The following CD96 variants were observed in gnomAD, a reference collection of about 807,000 sequenced individuals.
CD96 encodes the protein T-cell surface protein tactile.
In CD96, 70 loss-of-function variants were observed where a neutral mutation model predicts 71.3. The observed-to-expected ratio is 0.98, with a 90% CI of 0.81 to 1.20. The LOEUF (loss-of-function observed/expected upper bound fraction) is 1.20. Ranked by LOEUF, CD96 falls within the 50% of genes most tolerant of loss-of-function variation. The probability of loss-of-function intolerance (pLI) is 0.00; values close to 1 mark genes in which losing one functional copy is unlikely to be tolerated. For missense variants in CD96, 742 were observed against 677.5 expected (o/e 1.10, Z -1.06); for synonymous variants, 248 against 233.0 (o/e 1.06, Z -0.59).
At chr3:111,660,427 A>C (rs1940328234) in intron 14 of CD96, among the ~76,000 whole-genome samples, 1 of 152,258 alleles carries the variant, frequency 6.6e-6, no homozygotes, top group Non-Finnish European at 1.5e-5. Flanking sequence ...TATTTTTTAA[A>C]TGGCCATACT....
At chr3:111,643,863 C>T (rs1040949757) in intron 12 of CD96, among the ~76,000 whole-genome samples, 13 of 152,068 alleles carry the variant, frequency 8.5e-5, no homozygotes, top group African/African-American at 3.1e-4. Flanking sequence ...AAACACATCC[C>T]ATGCTCATGG....
intron 12 of CD96, among the ~76,000 whole-genome samples, chr3:111,638,780 C>T (rs1362241344): frequency 2.0e-5 from 3 of 152,184 alleles, no homozygotes; most frequent in Admixed American, 6.5e-5. Context: ...AAAGGTCATA[C>T]AGTCTTCTGA....
At chr3:111,627,387 G>C (rs1221610628) in intron 10 of CD96, among the ~76,000 whole-genome samples, 1 of 152,202 alleles carries the variant, frequency 6.6e-6, no homozygotes, top group Non-Finnish European at 1.5e-5. Context: ...TTTTGTTAAG[G>C]AATGACCAGA....
chr3:111,658,857 A>G (rs1367932593), intron 14 of CD96, among the ~76,000 whole-genome samples: 7 of 152,020 alleles, frequency 4.6e-5, no homozygotes, highest in African/African-American at 1.4e-4. Context: ...CTCTTTTTTC[A>G]TTGTGTCTCT....
chr3:111,621,262 A>G (rs1938507144), intron 8 of CD96, among the ~76,000 whole-genome samples: 1 of 152,230 alleles, frequency 6.6e-6, no homozygotes, highest in Non-Finnish European at 1.5e-5. Context: ...GACAATTGTT[A>G]TCATAGCACC....
chr3:111,563,727 T>G (rs1300365737), intron 2 of CD96, among the ~76,000 whole-genome samples: 2 of 152,222 alleles, frequency 1.3e-5, no homozygotes, highest in Non-Finnish European at 2.9e-5. Flanking sequence ...AAAACATATA[T>G]TCATCACTAT....
chr3:111,587,956 C>T (rs922464667), intron 5 of CD96, among the ~76,000 whole-genome samples: 2 of 152,206 alleles, frequency 1.3e-5, no homozygotes, highest in Admixed American at 1.3e-4. Context: ...ACCTCTGGGC[C>T]TCTGAAGGAG....
chr3:111,575,266 G>A, intron 3 of CD96, among the ~76,000 whole-genome samples: 1 of 152,178 alleles, frequency 6.6e-6, no homozygotes. Flanking sequence ...TTAGAGTGAA[G>A]CAAGGAAGGC....
At chr3:111,599,077 TC>T (rs1465515511) in intron 6 of CD96, among the ~76,000 whole-genome samples, 1 of 152,084 alleles carries the variant, frequency 6.6e-6, no homozygotes. Flanking sequence ...CACGCCATTC[TC>T]CTGCCTCAGC....
At chr3:111,550,611 T>C (rs1404915769) in intron 2 of CD96, among the ~76,000 whole-genome samples, 3 of 152,112 alleles carry the variant, frequency 2.0e-5, no homozygotes, top group African/African-American at 4.8e-5. Flanking sequence ...GAACAGTTTT[T>C]TTTTATTGTA....
chr3:111,655,082 G>A (rs961369478), downstream of CD96, among the ~76,000 whole-genome samples: 4 of 152,188 alleles, frequency 2.6e-5, no homozygotes, highest in African/African-American at 9.7e-5. Context: ...TGCATCACTG[G>A]TTTGAGATAA....
chr3:111,574,020 C>T (rs968912793), intron 3 of CD96, among the ~76,000 whole-genome samples: 1 of 152,152 alleles, frequency 6.6e-6, no homozygotes, highest in Non-Finnish European at 1.5e-5. Flanking sequence ...CTTGCTTTGA[C>T]AGCACTGACT....
At chr3:111,643,266 C>A (rs1939679664) in intron 12 of CD96, among the ~76,000 whole-genome samples, 1 of 151,944 alleles carries the variant, frequency 6.6e-6, no homozygotes, top group South Asian at 2.1e-4. Flanking sequence ...AAAAAAAATT[C>A]AACAAAATCC....
At chr3:111,645,585 A>G (rs1939792498) in intron 12 of CD96, among the ~76,000 whole-genome samples, 1 of 152,184 alleles carries the variant, frequency 6.6e-6, no homozygotes, top group Admixed American at 6.6e-5. Context: ...AAAATATTAT[A>G]TCCCACCATA....
rs2107787965 is a variant in CD96 at position 111,647,675 on chromosome 3, A to T, written c.1601+9A>T. 1 of 1,576,710 alleles carries T rather than the reference A, an allele frequency of 6.3e-7. No homozygotes were observed. The highest frequency in any genetic ancestry group is 8.7e-7 in the Non-Finnish European group (1 of 1,146,170). ...CAGTACCAAAAAGAAATGTGAGTAT[A>T]ATACTAACATATGTAGGAACAGATT... On this transcript the variant is annotated intron_variant, in intron 13 of 13. Coordinates refer to ENST00000352690, the MANE Select transcript of CD96 (RefSeq NM_005816.5).
chr3:111,616,140 T>A (rs185884737), intron 8 of CD96, among the ~76,000 whole-genome samples: 16 of 151,678 alleles, frequency 1.1e-4, no homozygotes, highest in Non-Finnish European at 1.2e-4. Context: ...ATAAGTTACC[T>A]GTTTGGCTCC....
Position 111,637,276 on chromosome 3 carries a change from A to T in CD96, c.1387+15A>T, listed in dbSNP as rs1462219322. 2 of 1,426,878 alleles carry T rather than the reference A, an allele frequency of 1.4e-6. No homozygotes were observed. The highest frequency in any genetic ancestry group is 9.9e-7 in the Non-Finnish European group (1 of 1,009,008). 88.4% of individuals were successfully genotyped at this position (1,426,878 alleles called of 1,614,324 possible). On this transcript the variant is annotated intron_variant, in intron 11 of 13. Coordinates refer to ENST00000352690, the MANE Select transcript of CD96 (RefSeq NM_005816.5). Reference sequence around the variant, plus strand: ...AACACTTCATGGTGAGTACTTGGGGAAGATTTAGGGACACTGAAGCTAGTG... The same window carrying T: ...AACACTTCATGGTGAGTACTTGGGGTAGATTTAGGGACACTGAAGCTAGTG...
chr3:111,598,772 A>G (rs1937366558), intron 6 of CD96, among the ~76,000 whole-genome samples: 1 of 152,196 alleles, frequency 6.6e-6, no homozygotes, highest in African/African-American at 2.4e-5. Flanking sequence ...ACACACATCA[A>G]GACAAGCTCA....
At chr3:111,561,003 G>T (rs1375458495) in intron 2 of CD96, among the ~76,000 whole-genome samples, 1 of 143,622 alleles carries the variant, frequency 7.0e-6, no homozygotes, top group African/African-American at 2.8e-5. Context: ...GATCACATTG[G>T]CTCCTGAGGC....
Sources: gnomAD v4.1 joint callset for allele counts (sites outside exome capture counted in the v4.1 genomes callset) on GRCh38, gnomAD v4.1.1 for gene constraint, MANE v1.5 for transcripts, NCBI Gene and HGNC (gene_info 2026-07-23, HGNC 2026-07-21) for gene names.